The following SVIL variants were observed in gnomAD, a reference collection of about 807,000 sequenced individuals.
The protein encoded by SVIL is archvillin.
Under a neutral mutation model 240.4 loss-of-function variants are expected in SVIL, and 101 were observed. The observed-to-expected ratio is 0.42, with a 90% CI of 0.36 to 0.50. The LOEUF is 0.50. SVIL is among the 20% of genes least tolerant of loss of function. SVIL has a pLI of 0.01. For missense variants in SVIL, 2,512 were observed against 2,818.7 expected (o/e 0.89, Z 2.46); for synonymous variants, 999 against 1,100.0 (o/e 0.91, Z 1.82).
chr10:29,609,177 C>G (rs759075430), intron 1 of SVIL, among the ~76,000 whole-genome samples: 2 of 152,204 alleles, frequency 1.3e-5, no homozygotes, highest in Non-Finnish European at 2.9e-5. Context: ...TTCCTAGACA[C>G]AGGACAAGAA....
rs183507483 is a variant in SVIL, at chr10:29,526,393, C to T, written c.2342+568G>A. Reference sequence around the variant, plus strand: ...GATCTTGACTCACTGCAACCTCTGCCTCCCAGGTTCAAGCGATTCTCCTGC... The same window carrying T: ...GATCTTGACTCACTGCAACCTCTGCTTCCCAGGTTCAAGCGATTCTCCTGC... On this transcript the variant is annotated intron_variant, in intron 13 of 37. Coordinates refer to ENST00000355867, the MANE Select transcript of SVIL (RefSeq NM_021738.3). Among the ~76,000 whole-genome samples, 798 of 149,602 alleles carry T rather than the reference C, an allele frequency of 5.3e-3. 6 individuals carry two copies. The highest frequency in any genetic ancestry group is 0.019 in the African/African-American group (770 of 40,474).
intron 1 of SVIL, among the ~76,000 whole-genome samples, chr10:29,585,021 C>T (rs1956105898): frequency 6.6e-6 from 1 of 152,144 alleles, no homozygotes; most frequent in Admixed American, 6.5e-5. Context: ...CCCACCTCAG[C>T]CTCCCAAGTA....
chr10:29,644,007 CAG>C (rs1564731206), intron 3 of SVIL: 1 of 518,624 alleles, frequency 1.9e-6, no homozygotes, highest in Admixed American at 1.9e-5. Flanking sequence ...ACACCAGGCT[CAG>C]AGTCTTGAGA....
intron 13 of SVIL, 58 bp from the exon 14 acceptor site, chr10:29,524,773 G>C: frequency 1.3e-6 from 2 of 1,595,268 alleles, no homozygotes; most frequent in Non-Finnish European, 1.7e-6. Context: ...ACACCGCTAA[G>C]TTTCTACGTT....
At chr10:29,471,379 A>C (rs2132311657) in intron 30 of SVIL, 136 bp from the exon 31 acceptor site, 1 of 661,008 alleles carries the variant, frequency 1.5e-6, no homozygotes, top group Non-Finnish European at 2.5e-6. Flanking sequence ...CTACCACCTA[A>C]AGAGAAGCTC....
chr10:29,661,815 G>C (rs989485876), intron 2 of SVIL, among the ~76,000 whole-genome samples: 2 of 152,156 alleles, frequency 1.3e-5, no homozygotes, highest in African/African-American at 4.8e-5. Flanking sequence ...TTCTAGAACT[G>C]AAAATCAAAT....
chr10:29,497,759 G>C (rs1948557045), intron 18 of SVIL, among the ~76,000 whole-genome samples: 1 of 152,144 alleles, frequency 6.6e-6, no homozygotes, highest in Admixed American at 6.5e-5. Context: ...GTACATGGTT[G>C]CCAGGTCAGA....
intron 1 of SVIL, among the ~76,000 whole-genome samples, chr10:29,601,402 C>T (rs963807256): frequency 6.6e-6 from 1 of 152,314 alleles, no homozygotes; most frequent in South Asian, 2.1e-4. Flanking sequence ...TTAATGCATT[C>T]TTTCTTTAAA....
intron 1 of SVIL, among the ~76,000 whole-genome samples, chr10:29,709,898 C>A (rs2132664829): frequency 6.6e-6 from 1 of 152,242 alleles, no homozygotes; most frequent in African/African-American, 2.4e-5. Context: ...GGCTAGCATG[C>A]AGCTCCTCCC....
intron 17 of SVIL, among the ~76,000 whole-genome samples, chr10:29,505,012 T>C (rs1949161990): frequency 6.6e-6 from 1 of 152,092 alleles, no homozygotes; most frequent in South Asian, 2.1e-4. Context: ...TATTCGACGA[T>C]ACAAAGAAAA....
intron 2 of SVIL, among the ~76,000 whole-genome samples, chr10:29,670,352 T>A (rs1439344123): frequency 6.6e-6 from 1 of 152,196 alleles, no homozygotes; most frequent in Non-Finnish European, 1.5e-5. Context: ...CCAGCAAAGC[T>A]AATAAAAGCT....
At chr10:29,613,172 C>CAAA (rs549906216) in intron 1 of SVIL, among the ~76,000 whole-genome samples, 6 of 53,780 alleles carry the variant, frequency 1.1e-4, no homozygotes, top group Admixed American at 4.6e-4. Context: ...GACTCCATCT[C>CAAA]AAAAAAAAAA....
chr10:29,558,955 TG>T (rs1244149946), intron 3 of SVIL, among the ~76,000 whole-genome samples: 2 of 148,302 alleles, frequency 1.3e-5, no homozygotes, highest in Non-Finnish European at 3.0e-5. Context: ...ATAAAAAATA[TG>T]GTTTATATTA....
intron 1 of SVIL, among the ~76,000 whole-genome samples, chr10:29,720,520 A>G (rs1278103057): frequency 6.6e-6 from 1 of 152,244 alleles, no homozygotes; most frequent in African/African-American, 2.4e-5. Context: ...TACATAACAA[A>G]AAATGCTAAA....
chr10:29,548,379 C>G (rs895562573), intron 6 of SVIL, among the ~76,000 whole-genome samples: 2 of 152,190 alleles, frequency 1.3e-5, no homozygotes, highest in Non-Finnish European at 2.9e-5. Flanking sequence ...GAGAAATACA[C>G]TTAAGATCCA....
At chr10:29,511,683 C>G (rs2132486547) in intron 17 of SVIL, among the ~76,000 whole-genome samples, 1 of 152,202 alleles carries the variant, frequency 6.6e-6, no homozygotes. Context: ...TACAAATGGC[C>G]AAGGCTTAAA....
chr10:29,545,292 G>A (rs1428247116), intron 6 of SVIL, among the ~76,000 whole-genome samples: 1 of 152,152 alleles, frequency 6.6e-6, no homozygotes, highest in East Asian at 1.9e-4. Flanking sequence ...TGTTACAGAA[G>A]CTGCATTCCA....
At chr10:29,649,584 A>G (rs1486565215) in intron 3 of SVIL, among the ~76,000 whole-genome samples, 1 of 152,232 alleles carries the variant, frequency 6.6e-6, no homozygotes, top group Non-Finnish European at 1.5e-5. Flanking sequence ...ATTCCATATA[A>G]GAAAAAAATT....
intron 5 of SVIL, 32 bp downstream of exon 5, chr10:29,554,751 C>T: frequency 2.0e-6 from 3 of 1,504,596 alleles, no homozygotes; most frequent in East Asian, 2.3e-5. Flanking sequence ...AGGCAGCCTG[C>T]TGGAAAATGG....
Sources: allele counts gnomAD v4.1 joint callset (sites outside exome capture counted in the v4.1 genomes callset), GRCh38; gene constraint gnomAD v4.1.1; transcripts MANE v1.5; gene names NCBI Gene and HGNC (gene_info 2026-07-23, HGNC 2026-07-21).